The following ATAD2 variants were observed in gnomAD, a reference collection of about 807,000 sequenced individuals.
ATAD2 encodes ATPase family AAA domain-containing protein 2.
In ATAD2, 62 loss-of-function variants were observed where a neutral mutation model predicts 168.9. The ratio of observed to expected loss-of-function variants is 0.37; its 90% confidence interval spans 0.30 to 0.45. ATAD2 has a LOEUF of 0.45. ATAD2 is among the 20% of genes least tolerant of loss of function. The pLI, the probability that ATAD2 is intolerant of heterozygous loss-of-function variation, is 1.00. For missense variants in ATAD2, 1,419 were observed against 1,667.8 expected, an observed-to-expected ratio of 0.85 and a Z score of 2.60; for synonymous variants, 613 against 571.6, an observed-to-expected ratio of 1.07 and a Z score of -1.03.
chr8:123,356,408 T>A lies in ATAD2; in HGVS notation c.1627A>T (p.Arg543Trp). Residue 543 changes from arginine to tryptophan, a missense_variant, in exon 13 of 28, where the codon AGG becomes TGG. Physicochemically the swap from Arg to Trp is moderately radical, Grantham distance 101. Transcript: ENST00000287394. ...IDGLAPVRSS[R>W]QDQIHSSIVS... ...TTTTACCTGTGAATCTGATCTTGCC[T>A]GCTTGACCGTACTGGAGCCAGACCA... is the stretch of plus-strand genomic sequence containing the variant. The A allele has an allele frequency of 6.2e-7, 1 of 1,611,732 alleles. No homozygotes were observed. Among genetic ancestry groups the A allele is most frequent in the Non-Finnish European group, 8.5e-7 (1 of 1,178,584 alleles).
At chr8:123,357,892 A>G (rs979730195) in intron 11 of ATAD2, among the ~76,000 whole-genome samples, 156 bp from the exon 12 acceptor site, 2 of 152,262 alleles carry the variant, frequency 1.3e-5, no homozygotes, top group African/African-American at 4.8e-5. Flanking sequence ...AGCACAACTT[A>G]AAACCTGGGA....
chr8:123,383,734 T>C (rs536887837), intron 1 of ATAD2, among the ~76,000 whole-genome samples: 35 of 143,462 alleles, frequency 2.4e-4, no homozygotes, highest in South Asian at 1.1e-3. Context: ...GATCGTGCCA[T>C]TGCACTCCAG....
chr8:123,411,652 C>T (rs755877860), intron 1 of ATAD2, among the ~76,000 whole-genome samples: 2 of 152,254 alleles, frequency 1.3e-5, no homozygotes, highest in African/African-American at 4.8e-5. Context: ...GGACAAGGAT[C>T]GGGATATAAA....
Position 123,359,296 on chromosome 8 carries a change from G to A in ATAD2, c.1307C>T (p.Ala436Val), listed in dbSNP as rs113828731. 6.2e-7 allele frequency: 1 copy of A among 1,612,158 alleles called. No homozygotes were observed. Among genetic ancestry groups the A allele is most frequent in the Non-Finnish European group, 8.5e-7 (1 of 1,179,346 alleles). ...AAACACCACCATCTCTTTTAGAGCTGCTATATGATTAGACAGGCCACCAAC... is the reference window on the plus strand; with the variant it reads ...AAACACCACCATCTCTTTTAGAGCTACTATATGATTAGACAGGCCACCAAC... ...DSVGGLSNHI[A>V]ALKEMVVFPL... The change falls in exon 11 of 28, where the codon GCA becomes GTA. Residue 436 changes from alanine to valine, a missense_variant. This residue lies in a region of ATAD2 where 146 missense variants were observed against 188.3 expected (regional missense o/e 0.78). Coordinates refer to ENST00000287394, the MANE Select transcript of ATAD2 (RefSeq NM_014109.4).
chr8:123,323,173 C>T (rs1174766578), intron 26 of ATAD2, 107 bp from the exon 27 acceptor site: 1 of 1,206,996 alleles, frequency 8.3e-7, no homozygotes, highest in African/African-American at 1.5e-5. Flanking sequence ...AGAGGGTAGA[C>T]CAAGCCATCT....
rs779735906 is a variant in ATAD2 at position 123,369,967 on chromosome 8, T to A, written c.785A>T (p.Asp262Val). ...EHEDDGEDED[D>V]EDDDDDDDDD... is the part of the protein sequence containing the mutation. ...ATCGTCATCATCATCATCATCTTCA[T>A]CATCTTCATCTTCACCATCATCTTC... The change falls in exon 7 of 28, where the codon GAT becomes GTT. Residue 262 changes from aspartate to valine, a missense_variant. Transcript: ENST00000287394. 6.3e-7 allele frequency: 1 copy of A among 1,577,542 alleles called. No individual in the cohort carries two copies. The highest frequency in any genetic ancestry group is 2.2e-5 in the East Asian group (1 of 44,614).
chr8:123,329,981 C>CTTTTTTTTTTTTTTTTTTTT (rs71310666), intron 24 of ATAD2, among the ~76,000 whole-genome samples: 3 of 100,342 alleles, frequency 3.0e-5, no homozygotes, highest in African/African-American at 1.1e-4. Context: ...CCAGTGGCTT[C>CTTTTTTTTTTTTTTTTTTTT]TTTTTTTTTT....
chr8:123,366,933 A>G (rs1828996754), intron 8 of ATAD2, among the ~76,000 whole-genome samples: 1 of 152,188 alleles, frequency 6.6e-6, no homozygotes, highest in African/African-American at 2.4e-5. Context: ...GAGGCAAGTC[A>G]GTATAATCCA....
In ATAD2 at chr8:123,369,887, C is replaced by T. The variant is rs1174851992; in HGVS notation, c.865G>A (p.Glu289Lys). Residue 289 changes from glutamate to lysine, a missense_variant, in exon 7 of 28, where the codon GAG becomes AAG. This residue lies in a region of ATAD2 where 419 missense variants were observed against 423.5 expected (regional missense o/e 0.99). Transcript: ENST00000287394. ...CTAAGATAATATCGCTTCTGATTCT[C>T]TTCTTCTCCATCTTCTTCATCTTCA... The part of the protein sequence containing the change: ...DDEDEEDGEE[E>K]NQKRYYLRQR... 6.2e-7 allele frequency: 1 copy of T among 1,611,178 alleles called. No homozygotes were observed. The highest frequency in any genetic ancestry group is 1.1e-5 in the South Asian group (1 of 91,010).
At chr8:123,349,580 G>A in intron 13 of ATAD2, 136 bp from the exon 14 acceptor site, 1 of 756,232 alleles carries the variant, frequency 1.3e-6, no homozygotes, top group Non-Finnish European at 2.0e-6. Flanking sequence ...TATTTCCAAT[G>A]GATTAAAAAA....
chr8:123,328,798 A>ATTTTTT (rs35015706), intron 24 of ATAD2, among the ~76,000 whole-genome samples: 5 of 126,912 alleles, frequency 3.9e-5, no homozygotes, highest in South Asian at 2.4e-4. Context: ...TTATCTTGAA[A>ATTTTTT]TTTTTTTTTT....
In ATAD2 at chr8:123,339,292, C is replaced by G. The variant is rs373404065; in HGVS notation, c.2854+19G>C. On this transcript the variant is annotated intron_variant, in intron 20 of 27. Coordinates refer to ENST00000287394, the MANE Select transcript of ATAD2 (RefSeq NM_014109.4). ...CTTTCTCAAAATTATTAAATATTAA[C>G]TTTGATATAGAAACTAACCTGCTTT... 2.7e-6 allele frequency: 4 copies of G among 1,498,900 alleles called. No individual in the cohort carries two copies. The African/African-American group carries it at 5.7e-5, about 21-fold the overall frequency. The allele number at this position is 1,498,900 out of a possible 1,614,324, so 92.9% of individuals were successfully genotyped here.
intron 24 of ATAD2, among the ~76,000 whole-genome samples, chr8:123,333,184 C>A: frequency 7.8e-6 from 1 of 128,770 alleles, no homozygotes; most frequent in East Asian, 2.3e-4. Flanking sequence ...GTCAGGAGAT[C>A]GAGACCATCC....
chr8:123,355,074 G>A lies in ATAD2; in HGVS notation c.1646+1315C>T, dbSNP rs1033220399. On this transcript the variant is annotated intron_variant, in intron 13 of 27. Coordinates refer to ENST00000287394, the MANE Select transcript of ATAD2 (RefSeq NM_014109.4). ...TATAGTGTGACTGATAATGAAATGCGTCACATATAAAAAGTTTATCTGATT... is the reference window on the plus strand; with the variant it reads ...TATAGTGTGACTGATAATGAAATGCATCACATATAAAAAGTTTATCTGATT... Among the ~76,000 whole-genome samples the A allele has an allele frequency of 4.6e-5, 7 of 151,532 alleles. No homozygotes were observed. In the East Asian group the frequency reaches 5.8e-4, roughly 13 times the overall value.
intron 19 of ATAD2, among the ~76,000 whole-genome samples, chr8:123,343,412 C>T (rs746630723): frequency 7.9e-5 from 12 of 152,310 alleles, no homozygotes; most frequent in Middle Eastern, 3.4e-3. Flanking sequence ...TTCTCTCCCC[C>T]ACTCAACTAA....
Position 123,371,792 on chromosome 8 carries a change from G to A in ATAD2, c.414C>T (p.Ile138=), listed in dbSNP as rs1372886323. 11 of 1,611,516 alleles carry A rather than the reference G, an allele frequency of 6.8e-6. No individual in the cohort carries two copies. The South Asian group carries it at 8.8e-5, about 13-fold the overall frequency. ...CATGTAAGTGTTCTGTACTTTGAAC[G>A]ATGTTTCTAGCCCTCAATGACCGAG... ...PVTRSLRARN[I]VQSTEHLHED... Residue 138 remains isoleucine, a synonymous_variant, in exon 4 of 28, where the codon ATC becomes ATT. Coordinates refer to ENST00000287394, the MANE Select transcript of ATAD2 (RefSeq NM_014109.4).
intron 1 of ATAD2, among the ~76,000 whole-genome samples, chr8:123,382,062 A>AAACC (rs1360590597): frequency 6.6e-6 from 1 of 152,154 alleles, no homozygotes; most frequent in Non-Finnish European, 1.5e-5. Context: ...ACAAACAAAC[A>AAACC]AACCAAAGAT....
chr8:123,410,050 T>A (rs1252444384), intron 1 of ATAD2, among the ~76,000 whole-genome samples: 1 of 152,002 alleles, frequency 6.6e-6, no homozygotes, highest in East Asian at 1.9e-4. Context: ...ATTCCCTGGA[T>A]CTCCTTTTAC....
intron 25 of ATAD2, among the ~76,000 whole-genome samples, chr8:123,326,659 C>T (rs1368107424): frequency 6.6e-6 from 1 of 152,044 alleles, no homozygotes; most frequent in Non-Finnish European, 1.5e-5. Context: ...GCCTGGATGA[C>T]AGAGCAAGAC....
Sources: gnomAD v4.1 joint callset for allele counts (sites outside exome capture counted in the v4.1 genomes callset) on GRCh38, gnomAD v4.1.1 for gene constraint, gnomAD v4.1.1 regional missense constraint, MANE v1.5 for transcripts, NCBI Gene and HGNC (gene_info 2026-07-23, HGNC 2026-07-21) for gene names.